KCNQ1: variants seen among roughly 807,000 people sequenced by gnomAD.
The protein encoded by KCNQ1 is potassium voltage-gated channel subfamily Q member 1, also known as potassium voltage-gated channel subfamily KQT member 1.
Under a neutral mutation model 72.4 loss-of-function variants are expected in KCNQ1, and 49 were observed. The observed-to-expected ratio is 0.68, with a 90% CI of 0.54 to 0.86. The LOEUF (loss-of-function observed/expected upper bound fraction) is 0.86, where lower values mean the gene tolerates loss of function less well. KCNQ1 is among the 40% of genes least tolerant of loss of function. KCNQ1 has a pLI of 0.00. For missense variants in KCNQ1, 790 were observed against 945.1 expected, an observed-to-expected ratio of 0.84 and a Z score of 2.15; for synonymous variants, 450 against 412.6, an observed-to-expected ratio of 1.09 and a Z score of -1.10.
rs1851085264 is a variant in KCNQ1 at position 2,715,943 on chromosome 11, ACCTGTCCC to A, written c.1515-52898_1515-52891del. On this transcript the variant is annotated intron_variant, in intron 11 of 15. Transcript: ENST00000155840. The surrounding 1 kb of genome is among the most constrained non-coding windows in gnomAD (Gnocchi z 4.9). ...GGAACCATGGTGATGCAAACCATAA[ACCTGTCCC>A]CCACGTCACCTCCAAACCCTTTGGG... Among the ~76,000 whole-genome samples, 1 of 151,936 alleles carries A rather than the reference ACCTGTCCC, an allele frequency of 6.6e-6. No individual in the cohort carries two copies. The highest frequency in any genetic ancestry group is 2.4e-5 in the African/African-American group (1 of 41,308).
In KCNQ1 at chr11:2,731,635, C is replaced by A. The variant is rs189751166; in HGVS notation, c.1515-37209C>A. 2.6e-5 allele frequency among the ~76,000 whole-genome samples: 4 copies of A among 152,364 alleles called. No individual in the cohort carries two copies. The East Asian group carries it at 7.7e-4, about 29-fold the overall frequency. ...CCCATCTTTTGGGGGACCCTGTGGTCATGGAGATCAGGTTCCTAGAATCAC... is the reference window on the plus strand; with the variant it reads ...CCCATCTTTTGGGGGACCCTGTGGTAATGGAGATCAGGTTCCTAGAATCAC... On this transcript the variant is annotated intron_variant, in intron 11 of 15. Transcript: ENST00000155840.
Position 2,802,068 on chromosome 11 carries a change from G to A in KCNQ1, c.1794+24031G>A, listed in dbSNP as rs182462925. Among the ~76,000 whole-genome samples, 941 of 152,330 alleles carry A rather than the reference G, an allele frequency of 6.2e-3. 6 individuals carry two copies. The highest frequency in any genetic ancestry group is 9.8e-3 in the Non-Finnish European group (669 of 68,026). ...CGCCAGCTGCGGAGCGGGGCGCGGT[G>A]GGCACATTCACCCAGACTCACACCG... On this transcript the variant is annotated intron_variant, in intron 15 of 15. Coordinates refer to ENST00000155840, the MANE Select transcript of KCNQ1 (RefSeq NM_000218.3).
chr11:2,812,767 G>T (rs1047258620), intron 15 of KCNQ1, among the ~76,000 whole-genome samples: 1 of 152,100 alleles, frequency 6.6e-6, no homozygotes, highest in African/African-American at 2.4e-5. Flanking sequence ...GAGGCCCCAC[G>T]CCCCCGGGGC....
intron 15 of KCNQ1, among the ~76,000 whole-genome samples, chr11:2,834,749 G>T (rs1376554698): frequency 6.6e-6 from 1 of 152,214 alleles, no homozygotes; most frequent in Non-Finnish European, 1.5e-5. Flanking sequence ...CCCCAGATGG[G>T]CCTCGAATGC....
rs1850476616 is a variant in KCNQ1 at position 2,685,717 on chromosome 11, G to C, written c.1514+23636G>C. ...CCTTCGGTCTGGGACCCCAGGGAGG[G>C]TGCTCTGACAGTCCGCCGAAATGGC... On this transcript the variant is annotated intron_variant, in intron 11 of 15. Transcript: ENST00000155840. 1.3e-5 allele frequency: 5 copies of C among 398,708 alleles called. No individual in the cohort carries two copies. The East Asian group carries it at 1.8e-4, about 14-fold the overall frequency. The allele number at this position is 398,708 out of a possible 1,614,324, so 24.7% of individuals were successfully genotyped here. A position where few individuals can be genotyped will look rare whatever the true frequency, so the allele number is the denominator to read the frequency against.
In KCNQ1 at chr11:2,735,626, C is replaced by T. The variant is rs1845943971; in HGVS notation, c.1515-33218C>T. Among the ~76,000 whole-genome samples, 1 of 152,126 alleles carries T rather than the reference C, an allele frequency of 6.6e-6. No individual in the cohort carries two copies. The highest frequency in any genetic ancestry group is 1.5e-5 in the Non-Finnish European group (1 of 68,016). ...GGAGCTGGGGGATGACATGAGTCCA[C>T]TCCGCTGTCACCACCAAGACCACAG... On this transcript the variant is annotated intron_variant, in intron 11 of 15. Transcript: ENST00000155840. The surrounding 1 kb of genome is among the most constrained non-coding windows in gnomAD (Gnocchi z 7.7).
rs922894691 is a variant in KCNQ1, at chr11:2,478,542, A to C, written c.386+33058A>C. ...GGGTTTCCCCTTATAAAACCATCAG[A>C]TCTCGTGAGACTTATTCATTACCAT... On this transcript the variant is annotated intron_variant, in intron 1 of 15. Transcript: ENST00000155840. This position sits in a 1 kb window ranked among gnomAD's most constrained non-coding sequence, Gnocchi z 4.0. Among the ~76,000 whole-genome samples the C allele has an allele frequency of 7.9e-5, 12 of 152,156 alleles. No individual in the cohort carries two copies. Among genetic ancestry groups the C allele is most frequent in the Non-Finnish European group, 1.8e-4 (12 of 68,030 alleles).
At position 2,734,045 on chromosome 11, in the gene KCNQ1, TC is replaced by T. The variant is rs754942713; in HGVS notation, c.1515-34796del. ...CTAAATCAGGACCACCTTGCGGTTC[TC>T]CCAGCCCCAGCCTTGCCTTTCTAGT... On this transcript the variant is annotated intron_variant, in intron 11 of 15. Coordinates refer to ENST00000155840, the MANE Select transcript of KCNQ1 (RefSeq NM_000218.3). This position sits in a 1 kb window ranked among gnomAD's most constrained non-coding sequence, Gnocchi z 7.0. Among the ~76,000 whole-genome samples, 3 of 152,140 alleles carry T rather than the reference TC, an allele frequency of 2.0e-5. No homozygotes were observed. Among genetic ancestry groups the T allele is most frequent in the South Asian group, 2.1e-4 (1 of 4,806 alleles).
Position 2,674,831 on chromosome 11 carries a change from TTAAAAAAAAAAAA to T in KCNQ1, c.1514+12751_1514+12763del. The T allele has an allele frequency of 2.8e-6, 1 of 362,346 alleles. No homozygotes were observed. Among genetic ancestry groups the T allele is most frequent in the African/African-American group, 2.6e-5 (1 of 38,458 alleles). 22.4% of individuals were successfully genotyped at this position (362,346 alleles called of 1,614,324 possible). A position where few individuals can be genotyped will look rare whatever the true frequency, so the allele number is the denominator to read the frequency against. On this transcript the variant is annotated intron_variant, in intron 11 of 15. Coordinates refer to ENST00000155840, the MANE Select transcript of KCNQ1 (RefSeq NM_000218.3). The surrounding 1 kb of genome is among the most constrained non-coding windows in gnomAD (Gnocchi z 5.9). ...GGCTTGTCACCCTAATAGCTGTTTT[TTAAAAAAAAAAAA>T]AAAAAAAAAAAAAAAAGCTCACTGG...
Position 2,651,960 on chromosome 11 carries a change from G to A in KCNQ1, c.1394-10001G>A. 2.5e-6 allele frequency: 1 copy of A among 398,708 alleles called. No homozygotes were observed. The highest frequency in any genetic ancestry group is 4.4e-6 in the Non-Finnish European group (1 of 226,144). 24.7% of individuals were successfully genotyped at this position (398,708 alleles called of 1,614,324 possible). On this transcript the variant is annotated intron_variant, in intron 10 of 15. Transcript: ENST00000155840. The surrounding 1 kb of genome is among the most constrained non-coding windows in gnomAD (Gnocchi z 6.1). ...CCCTCCTGCAGCCAGCAGCAGTGGGGGAGCCAAGCTGAGTTGATTACTTTT... is the reference window on the plus strand; with the variant it reads ...CCCTCCTGCAGCCAGCAGCAGTGGGAGAGCCAAGCTGAGTTGATTACTTTT...
Position 2,668,051 on chromosome 11 carries a change from A to C in KCNQ1, c.1514+5970A>C, listed in dbSNP as rs1564851874. ...AAGGACCAGCTTTGCCCACATTTGA[A>C]CTTTATGCGGTGGGAATGATGCAAC... On this transcript the variant is annotated intron_variant, in intron 11 of 15. Transcript: ENST00000155840. The surrounding 1 kb of genome is among the most constrained non-coding windows in gnomAD (Gnocchi z 4.3). The C allele has an allele frequency of 2.5e-6, 1 of 398,508 alleles. No homozygotes were observed. Among genetic ancestry groups the C allele is most frequent in the East Asian group, 3.6e-5 (1 of 28,068 alleles). The allele number at this position is 398,508 out of a possible 1,614,324, so 24.7% of individuals were successfully genotyped here.
At chr11:2,779,126 C>A (rs1846770940) in intron 15 of KCNQ1, among the ~76,000 whole-genome samples, 1 of 152,334 alleles carries the variant, frequency 6.6e-6, no homozygotes, top group Admixed American at 6.5e-5. Context: ...TCAGCACAGA[C>A]CTGAGCAGGG....
intron 10 of KCNQ1, chr11:2,625,270 A>T: frequency 2.5e-6 from 1 of 398,608 alleles, no homozygotes; most frequent in South Asian, 1.3e-4. Flanking sequence ...GATTTTTTTG[A>T]GACAAGATCT....
At position 2,654,153 on chromosome 11, in the gene KCNQ1, C is replaced by T. The variant is rs1001543586; in HGVS notation, c.1394-7808C>T. On this transcript the variant is annotated intron_variant, in intron 10 of 15. Transcript: ENST00000155840. The surrounding 1 kb of genome is among the most constrained non-coding windows in gnomAD (Gnocchi z 6.4). ...CCACTCTGGCTCAGGGTCTATGAGC[C>T]GGGCATGGGCAGCTGGCACAGGCTG... 3 of 398,326 alleles carry T rather than the reference C, an allele frequency of 7.5e-6. No homozygotes were observed. Among genetic ancestry groups the T allele is most frequent in the Admixed American group, 8.8e-5 (2 of 22,720 alleles). 24.7% of individuals were successfully genotyped at this position (398,326 alleles called of 1,614,324 possible).
intron 1 of KCNQ1, among the ~76,000 whole-genome samples, chr11:2,506,410 A>G (rs1435969965): frequency 6.6e-6 from 1 of 152,156 alleles, no homozygotes; most frequent in African/African-American, 2.4e-5. Flanking sequence ...CAGCCACCCC[A>G]TACTTTATGG....
At chr11:2,554,457 T>C (rs1043962887) in intron 2 of KCNQ1, among the ~76,000 whole-genome samples, 2 of 152,224 alleles carry the variant, frequency 1.3e-5, no homozygotes, top group African/African-American at 4.8e-5. Flanking sequence ...ATGTCATTCC[T>C]GAGCAGCTTA....
Position 2,678,289 on chromosome 11 carries a change from C to A in KCNQ1, c.1514+16208C>A. The A allele has an allele frequency of 2.5e-6, 1 of 398,240 alleles. No homozygotes were observed. Among genetic ancestry groups the A allele is most frequent in the Non-Finnish European group, 4.4e-6 (1 of 225,956 alleles). 24.7% of individuals were successfully genotyped at this position (398,240 alleles called of 1,614,324 possible). A position where few individuals can be genotyped will look rare whatever the true frequency, so the allele number is the denominator to read the frequency against. Reference sequence around the variant, plus strand: ...CATCCTGAAATTGTTTTAATAAATTCTTCCATGTTTTCTTCTATCATTTTT... The same window carrying A: ...CATCCTGAAATTGTTTTAATAAATTATTCCATGTTTTCTTCTATCATTTTT... On this transcript the variant is annotated intron_variant, in intron 11 of 15. Coordinates refer to ENST00000155840, the MANE Select transcript of KCNQ1 (RefSeq NM_000218.3). The surrounding 1 kb of genome is among the most constrained non-coding windows in gnomAD (Gnocchi z 4.9).
Position 2,611,762 on chromosome 11 carries a change from A to G in KCNQ1, c.1393+22908A>G, listed in dbSNP as rs771752183. ...TCTACCATGTTGTTATTTATTTTCTATATGTCTCATATCACTTTTGTTCCT... is the reference window on the plus strand; with the variant it reads ...TCTACCATGTTGTTATTTATTTTCTGTATGTCTCATATCACTTTTGTTCCT... On this transcript the variant is annotated intron_variant, in intron 10 of 15. Coordinates refer to ENST00000155840, the MANE Select transcript of KCNQ1 (RefSeq NM_000218.3). This position sits in a 1 kb window ranked among gnomAD's most constrained non-coding sequence, Gnocchi z 5.3. 4.3e-5 allele frequency: 17 copies of G among 398,290 alleles called. No homozygotes were observed. The highest frequency in any genetic ancestry group is 6.2e-5 in the Non-Finnish European group (14 of 226,004). 24.7% of individuals were successfully genotyped at this position (398,290 alleles called of 1,614,324 possible).
In KCNQ1 at chr11:2,564,266, A is replaced by G. The variant is rs887854565; in HGVS notation, c.478-6362A>G. 1.3e-5 allele frequency among the ~76,000 whole-genome samples: 2 copies of G among 152,172 alleles called. No homozygotes were observed. The highest frequency in any genetic ancestry group is 4.8e-5 in the African/African-American group (2 of 41,432). ...AAACCATCCCCATTGCCCTTCTCCT[A>G]GTTCCTGACAAACATGTTCTTTTTA... On this transcript the variant is annotated intron_variant, in intron 2 of 15. Transcript: ENST00000155840. The surrounding 1 kb of genome is among the most constrained non-coding windows in gnomAD (Gnocchi z 4.5).
Sources: allele counts gnomAD v4.1 joint callset (sites outside exome capture counted in the v4.1 genomes callset), GRCh38; gene constraint gnomAD v4.1.1; non-coding constraint Gnocchi (gnomAD v3.1); transcripts MANE v1.5; gene names NCBI Gene and HGNC (gene_info 2026-07-23, HGNC 2026-07-21).